RIC1: variants seen among roughly 807,000 people sequenced by gnomAD.
RIC1 encodes the protein RIC1 partner of RAB6A GEF complex.
RIC1 carries 88 observed loss-of-function variants against 169.0 expected under a neutral mutation model. The ratio of observed to expected loss-of-function variants is 0.52; its 90% CI spans 0.44 to 0.62. RIC1 has a LOEUF of 0.62. Among genes scored for constraint, RIC1 ranks in the 20% least tolerant of loss-of-function variants. RIC1 has a pLI of 0.00. For missense variants in RIC1, 1,877 were observed against 1,725.5 expected, an observed-to-expected ratio of 1.09 and a Z score of -1.56; for synonymous variants, 790 against 601.5, an observed-to-expected ratio of 1.31 and a Z score of -4.59.
chr9:5,736,816 A>G (rs1375522284), intron 7 of RIC1, among the ~76,000 whole-genome samples: 1 of 152,194 alleles, frequency 6.6e-6, no homozygotes, highest in Non-Finnish European at 1.5e-5. Flanking sequence ...GAACACAGAA[A>G]AAAAAGAAAA....
intron 1 of RIC1, among the ~76,000 whole-genome samples, chr9:5,655,077 T>C (rs1819008745): frequency 6.6e-6 from 1 of 152,150 alleles, no homozygotes; most frequent in Admixed American, 6.5e-5. Flanking sequence ...TTTTATTCCT[T>C]TTTGTGGTCT....
Position 5,747,399 on chromosome 9 carries a change from A to G in RIC1, c.1346A>G (p.His449Arg), listed in dbSNP as rs768914744. Residue 449 changes from histidine (H) to arginine (R), a missense_variant, in exon 12 of 26, where the codon CAC becomes CGC. By Grantham distance (29) the His-to-Arg change is conservative (BLOSUM62 0). Around this residue, in one of 3 missense-constraint regions of RIC1, gnomAD observed 1,104 missense variants for 992.0 expected, o/e 1.11. Coordinates refer to ENST00000414202, the MANE Select transcript of RIC1 (RefSeq NM_020829.4). Reference protein sequence around the residue: ...QTQNPRSSSTHSEHKPSREKS... With the variant: ...QTQNPRSSSTRSEHKPSREKS... ...CAGAATCCCAGGAGTTCTTCAACAC[A>G]CTCTGAGCATAAGCCCAGTCGAGAA... 1.9e-6 allele frequency: 3 copies of G among 1,613,882 alleles called. No individual in the cohort carries two copies. The highest frequency in any genetic ancestry group is 2.2e-5 in the South Asian group (2 of 91,070).
At chr9:5,643,826 T>G (rs1818371334) in intron 1 of RIC1, among the ~76,000 whole-genome samples, 1 of 152,228 alleles carries the variant, frequency 6.6e-6, no homozygotes, top group Admixed American at 6.5e-5. Context: ...AAAAATATTT[T>G]GGAATTTACA....
intron 4 of RIC1, among the ~76,000 whole-genome samples, chr9:5,715,797 TTCCCC>T (rs1368508120): frequency 2.6e-5 from 3 of 114,842 alleles, no homozygotes; most frequent in African/African-American, 9.8e-5. Flanking sequence ...CTCCCCTCCC[TTCCCC>T]TCCCCTCCCA....
chr9:5,660,151 C>T (rs893098471), intron 2 of RIC1, among the ~76,000 whole-genome samples: 1 of 152,132 alleles, frequency 6.6e-6, no homozygotes, highest in Non-Finnish European at 1.5e-5. Flanking sequence ...TAATGGTTTC[C>T]AGCTCCAACC....
chr9:5,639,804 G>C (rs776625116), intron 1 of RIC1, among the ~76,000 whole-genome samples: 1 of 152,114 alleles, frequency 6.6e-6, no homozygotes, highest in Non-Finnish European at 1.5e-5. Flanking sequence ...TCTATTGCTG[G>C]ATTGACTCTT....
At chr9:5,643,088 C>G (rs1180510435) in intron 1 of RIC1, among the ~76,000 whole-genome samples, 1 of 151,898 alleles carries the variant, frequency 6.6e-6, no homozygotes, top group Non-Finnish European at 1.5e-5. Context: ...TCACTTGAGC[C>G]CAGGAGTTCA....
At chr9:5,687,411 G>C (rs1821315476) in intron 2 of RIC1, among the ~76,000 whole-genome samples, 2 of 151,996 alleles carry the variant, frequency 1.3e-5, no homozygotes, top group South Asian at 2.1e-4. Context: ...AGTTTAATTT[G>C]TTTCTAGTTT....
At position 5,722,327 on chromosome 9, in the gene RIC1, C is replaced by T. The variant is rs528656464; in HGVS notation, c.720+1577C>T. On this transcript the variant is annotated intron_variant, in intron 6 of 25. Coordinates refer to ENST00000414202, the MANE Select transcript of RIC1 (RefSeq NM_020829.4). The stretch of plus-strand genomic sequence containing the variant: ...ATGGCTTACAGAAGGAATGAGCTTG[C>T]AAAAACTATAAGAGAGAGAGAGTGT... Among the ~76,000 whole-genome samples the T allele has an allele frequency of 3.3e-4, 34 of 104,598 alleles. No homozygotes were observed. In the East Asian group the frequency reaches 7.3e-3, roughly 22 times the overall value. 68.6% of individuals were successfully genotyped at this position (104,598 alleles called of 152,430 possible).
At chr9:5,735,519 G>A (rs991854226) in intron 7 of RIC1, among the ~76,000 whole-genome samples, 1 of 152,166 alleles carries the variant, frequency 6.6e-6, no homozygotes, top group Non-Finnish European at 1.5e-5. Context: ...TAGCTTTTCA[G>A]TCACCTCAGT....
At chr9:5,731,061 C>T (rs1824344399) in intron 6 of RIC1, among the ~76,000 whole-genome samples, 1 of 152,144 alleles carries the variant, frequency 6.6e-6, no homozygotes, top group Non-Finnish European at 1.5e-5. Context: ...TTACATCCTT[C>T]CCCTGTACTC....
At position 5,713,989 on chromosome 9, in the gene RIC1, A is replaced by G; in HGVS notation, c.426A>G (p.Gln142=). 2.5e-6 allele frequency: 4 copies of G among 1,610,104 alleles called. No individual in the cohort carries two copies. Among genetic ancestry groups the G allele is most frequent in the Non-Finnish European group, 3.4e-6 (4 of 1,177,196 alleles). Residue 142 remains glutamine (Q), a synonymous_variant, in exon 4 of 26, where the codon CAA becomes CAG. Transcript: ENST00000414202. ...NLEMRKILDL[Q]APIMSLQSVL... is the part of the protein sequence containing the mutation. ...AGATGAGGAAAATACTGGATTTACA[A>G]GCACCCATCATGAGGTACAGTACTT...
At chr9:5,692,549 T>G (rs1821648662) in intron 3 of RIC1, among the ~76,000 whole-genome samples, 2 of 152,126 alleles carry the variant, frequency 1.3e-5, no homozygotes, top group Admixed American at 1.3e-4. Context: ...ACCTAAAATC[T>G]CTTATATGAA....
intron 2 of RIC1, among the ~76,000 whole-genome samples, chr9:5,682,085 A>C (rs911401407): frequency 8.5e-5 from 13 of 152,168 alleles, no homozygotes; most frequent in African/African-American, 3.1e-4. Context: ...TGAATACAGC[A>C]CACTGATGGG....
chr9:5,700,849 A>T (rs183207617), intron 3 of RIC1, among the ~76,000 whole-genome samples: 36 of 152,336 alleles, frequency 2.4e-4, no homozygotes, highest in African/African-American at 7.7e-4. Context: ...GAAAATAATT[A>T]AATTTTTTCT....
chr9:5,629,299 C>G lies in RIC1; in HGVS notation c.-11C>G, dbSNP rs1037802033. On this transcript the variant is annotated 5_prime_UTR_variant, in exon 1 of 26. Transcript: ENST00000414202. The stretch of plus-strand genomic sequence containing the variant: ...GACGCAACTGGGGGCGCCGGGGGCT[C>G]CGCACGGACCATGTATTTTCTGAGC... The G allele has an allele frequency of 1.3e-6, 2 of 1,501,426 alleles. No homozygotes were observed. Among genetic ancestry groups the G allele is most frequent in the African/African-American group, 2.9e-5 (2 of 69,818 alleles). The allele number at this position is 1,501,426 out of a possible 1,614,324, so 93.0% of individuals were successfully genotyped here. A position where few individuals can be genotyped will look rare whatever the true frequency, so the allele number is the denominator to read the frequency against.
At chr9:5,752,761 A>C (rs572595832) in intron 12 of RIC1, among the ~76,000 whole-genome samples, 105 of 152,288 alleles carry the variant, frequency 6.9e-4, no homozygotes, top group African/African-American at 2.5e-3. Flanking sequence ...TAATCAGAAA[A>C]GTGTAAAAGT....
intron 2 of RIC1, 76 bp downstream of exon 2, chr9:5,656,766 G>A: frequency 1.2e-6 from 1 of 856,284 alleles, no homozygotes; most frequent in Non-Finnish European, 1.9e-6. Context: ...TCTCTTAGAT[G>A]ACTTTCTTTC....
chr9:5,651,711 A>G (rs1818811493), intron 1 of RIC1, among the ~76,000 whole-genome samples: 2 of 151,568 alleles, frequency 1.3e-5, no homozygotes, highest in Non-Finnish European at 1.5e-5. Context: ...TTACAGGTGC[A>G]TGCCACCATG....
Sources: gnomAD v4.1 joint callset for allele counts (sites outside exome capture counted in the v4.1 genomes callset) on GRCh38, gnomAD v4.1.1 for gene constraint, gnomAD v4.1.1 regional missense constraint, MANE v1.5 for transcripts, NCBI Gene and HGNC (gene_info 2026-07-23, HGNC 2026-07-21) for gene names.